ZNF331: variants seen among roughly 807,000 people sequenced by gnomAD.
The protein encoded by ZNF331 is C2H2-like zinc finger protein rearranged in thyroid adenomas.
In ZNF331, 2 loss-of-function variants were observed where a neutral mutation model predicts 7.0. That is an observed-to-expected ratio of 0.29 (90% CI 0.12 to 0.90). The LOEUF is 0.90. Among genes scored for constraint, ZNF331 ranks in the 40% least tolerant of loss-of-function variants. The pLI, the probability that ZNF331 is intolerant of heterozygous loss-of-function variation, is 0.58. For synonymous variants in ZNF331, 196 were observed against 205.4 expected (o/e 0.95, Z 0.39); for missense variants, 432 against 587.7 (o/e 0.74, Z 2.74).
upstream of ZNF331, among the ~76,000 whole-genome samples, chr19:53,537,012 C>G (rs2087782189): frequency 6.6e-6 from 1 of 152,166 alleles, no homozygotes; most frequent in African/African-American, 2.4e-5. Context: ...ACTACAATCA[C>G]CAGCTGAGGT....
the ZNF331 span, among the ~76,000 whole-genome samples, chr19:53,514,035 C>T: frequency 1.3e-5 from 2 of 152,142 alleles, no homozygotes; most frequent in African/African-American, 4.8e-5. Flanking sequence ...AACATATTTT[C>T]TCCCATTATC....
chr19:53,506,460 C>CTCTCTCTCTCTGTCTG, the ZNF331 span, among the ~76,000 whole-genome samples: 1 of 131,390 alleles, frequency 7.6e-6, no homozygotes, highest in African/African-American at 3.0e-5. Context: ...CTCTCTCTCT[C>CTCTCTCTCTCTGTCTG]TCTCTCTCTC....
At chr19:53,536,716 A>G (rs768381632), upstream of ZNF331, among the ~76,000 whole-genome samples, 3 of 152,178 alleles carry the variant, frequency 2.0e-5, no homozygotes, top group Non-Finnish European at 4.4e-5. Flanking sequence ...CCTGACCAAC[A>G]TAGAGAAACC....
chr19:53,545,955 C>A (rs1216815127), intron 2 of ZNF331, among the ~76,000 whole-genome samples: 1 of 151,960 alleles, frequency 6.6e-6, no homozygotes, highest in Non-Finnish European at 1.5e-5. Flanking sequence ...ACACGTTAGT[C>A]CCCAAGAACT....
chr19:53,537,747 G>A (rs1393678258), upstream of ZNF331: 1 of 152,316 alleles, frequency 6.6e-6, no homozygotes, highest in Non-Finnish European at 1.5e-5. Flanking sequence ...AGCGTTGGGG[G>A]ACTACCGGGT....
chr19:53,576,504 A>G (rs923055889), intron 5 of ZNF331, among the ~76,000 whole-genome samples, 193 bp from the exon 6 acceptor site: 5 of 152,224 alleles, frequency 3.3e-5, no homozygotes, highest in Non-Finnish European at 1.5e-5. Flanking sequence ...TGACTTTAAA[A>G]TAGATGTCTC....
chr19:53,569,267 A>G (rs2090323762), intron 3 of ZNF331, 37 bp from the exon 4 acceptor site: 2 of 1,243,354 alleles, frequency 1.6e-6, no homozygotes, highest in Non-Finnish European at 2.3e-6. Context: ...GGGACCCCAG[A>G]TGCACCTCGT....
upstream of ZNF331, among the ~76,000 whole-genome samples, chr19:53,520,787 T>G (rs2087041009): frequency 6.6e-6 from 1 of 151,236 alleles, no homozygotes; most frequent in Non-Finnish European, 1.5e-5. Context: ...GAGCTACATT[T>G]CCCAGAAGCC....
chr19:53,563,642 TTGA>T (rs1464909818), intron 3 of ZNF331: 1 of 152,180 alleles, frequency 6.6e-6, no homozygotes, highest in African/African-American at 2.4e-5. Flanking sequence ...ATGTGTAATG[TTGA>T]TCTTCAATAA....
rs1288640810 is a variant in ZNF331 at position 53,579,246 on chromosome 19, C to T, written c.*1294C>T. 1 of 213,222 alleles carries T rather than the reference C, an allele frequency of 4.7e-6. No individual in the cohort carries two copies. The highest frequency in any genetic ancestry group is 2.3e-5 in the African/African-American group (1 of 44,148). The allele number at this position is 213,222 out of a possible 1,614,324, so 13.2% of individuals were successfully genotyped here. Reference sequence around the variant, plus strand: ...AGTTTAATGAATACATAAAGACTACCAGTACCATTCTGTCTTTACTCCGTG... The same window carrying T: ...AGTTTAATGAATACATAAAGACTACTAGTACCATTCTGTCTTTACTCCGTG... On this transcript the variant is annotated 3_prime_UTR_variant, in exon 6 of 6. Transcript: ENST00000449416.
intron 1 of ZNF331, among the ~76,000 whole-genome samples, chr19:53,522,338 G>A (rs1293633832): frequency 1.3e-5 from 2 of 150,998 alleles, no homozygotes; most frequent in Non-Finnish European, 1.5e-5. Context: ...CCAGGTTCAA[G>A]CGATTCTCCT....
intron 2 of ZNF331, among the ~76,000 whole-genome samples, chr19:53,552,098 G>A (rs2089048810): frequency 1.3e-5 from 2 of 152,140 alleles, no homozygotes; most frequent in South Asian, 4.1e-4. Context: ...TCCAAGATCA[G>A]TGAAATTGAG....
chr19:53,510,909 G>A, the ZNF331 span, among the ~76,000 whole-genome samples: 1 of 151,784 alleles, frequency 6.6e-6, no homozygotes, highest in Non-Finnish European at 1.5e-5. Flanking sequence ...TTATTTTATT[G>A]TTATTTTGTA....
Position 53,571,733 on chromosome 19 carries a change from G to C in ZNF331, c.136+3G>C. ...CTACAGTAACTTGGTCTCACTGGGT[G>C]AGTTGCACGCCTCAGATAACTTAGA... On this transcript the variant is annotated splice_donor_region_variant and intron_variant, in intron 5 of 5. Coordinates refer to ENST00000449416, the MANE Select transcript of ZNF331 (RefSeq NM_001079906.2). This position sits in a 1 kb window ranked among gnomAD's most constrained non-coding sequence, Gnocchi z 4.7. 1 of 1,608,080 alleles carries C rather than the reference G, an allele frequency of 6.2e-7. No homozygotes were observed. Among genetic ancestry groups the C allele is most frequent in the Non-Finnish European group, 8.5e-7 (1 of 1,177,202 alleles).
chr19:53,561,867 G>T (rs1021762723), intron 3 of ZNF331, among the ~76,000 whole-genome samples: 2 of 152,128 alleles, frequency 1.3e-5, no homozygotes, highest in African/African-American at 4.8e-5. Flanking sequence ...AAACTAGAAG[G>T]CCGGGTGCAA....
rs191938556 is a variant in ZNF331 at position 53,532,793 on chromosome 19, T to C, written c.-204-6423T>C. ...GAATTAATCTTCTAGGTTATCCAAC[T>C]TTTTTGGCATCTAATTGTTCATTGT... On this transcript the variant is annotated intron_variant, in intron 2 of 6. Coordinates refer to the ZNF331 transcript ENST00000253144. 3.9e-5 allele frequency among the ~76,000 whole-genome samples: 6 copies of C among 152,296 alleles called. No homozygotes were observed. In the East Asian group the frequency reaches 1.2e-3, roughly 29 times the overall value.
chr19:53,552,865 A>G (rs569696115), intron 2 of ZNF331, among the ~76,000 whole-genome samples: 1 of 152,320 alleles, frequency 6.6e-6, no homozygotes, highest in East Asian at 1.9e-4. Flanking sequence ...AGATATTCTG[A>G]TATTTAATAG....
the ZNF331 span, among the ~76,000 whole-genome samples, chr19:53,506,460 C>CTG: frequency 7.6e-6 from 1 of 131,390 alleles, no homozygotes; most frequent in African/African-American, 3.0e-5. Context: ...CTCTCTCTCT[C>CTG]TCTCTCTCTC....
upstream of ZNF331, among the ~76,000 whole-genome samples, chr19:53,518,849 G>A (rs115345297): frequency 0.013 from 1,971 of 152,344 alleles, 31 homozygotes; most frequent in African/African-American, 0.045. Flanking sequence ...CATCACAAAT[G>A]ACAGCAGGAC....
Sources: gnomAD v4.1 joint callset for allele counts (sites outside exome capture counted in the v4.1 genomes callset) on GRCh38, gnomAD v4.1.1 for gene constraint, Gnocchi (gnomAD v3.1) non-coding constraint, MANE v1.5 for transcripts, NCBI Gene and HGNC (gene_info 2026-07-23, HGNC 2026-07-21) for gene names.